The following CLEC16A variants were observed in gnomAD, a reference collection of about 807,000 sequenced individuals.
CLEC16A encodes protein CLEC16A.
CLEC16A carries 51 observed loss-of-function variants against 109.5 expected under a neutral mutation model. The ratio of observed to expected loss-of-function variants is 0.47; its 90% CI spans 0.37 to 0.59. The LOEUF (loss-of-function observed/expected upper bound fraction) is 0.59, where lower values mean the gene tolerates loss of function less well. Among genes scored for constraint, CLEC16A ranks in the 20% least tolerant of loss-of-function variants. The pLI, the probability that CLEC16A is intolerant of heterozygous loss-of-function variation, is 0.00. For synonymous variants in CLEC16A, 673 were observed against 564.2 expected, an observed-to-expected ratio of 1.19 and a Z score of -2.73; for missense variants, 1,339 against 1,394.0, an observed-to-expected ratio of 0.96 and a Z score of 0.63.
At chr16:11,048,457 C>T (rs2047752421) in intron 17 of CLEC16A, 1 of 152,226 alleles carries the variant, frequency 6.6e-6, no homozygotes, top group African/African-American at 2.4e-5. Context: ...GGATATTACC[C>T]ACCAAAGCAT....
chr16:11,010,404 A>T (rs1597029134), intron 11 of CLEC16A, among the ~76,000 whole-genome samples: 2 of 152,122 alleles, frequency 1.3e-5, no homozygotes, highest in Non-Finnish European at 2.9e-5. Flanking sequence ...TGCTTATGGT[A>T]ATTTTCCCAA....
chr16:11,095,280 A>G (rs1746111905), intron 19 of CLEC16A, among the ~76,000 whole-genome samples: 1 of 152,166 alleles, frequency 6.6e-6, no homozygotes, highest in Non-Finnish European at 1.5e-5. Flanking sequence ...AGAAGATGAA[A>G]AAGAAAAAAG....
At chr16:11,051,785 C>A in intron 18 of CLEC16A, 144 bp downstream of exon 18, 1 of 1,084,214 alleles carries the variant, frequency 9.2e-7, no homozygotes. Context: ...CCCATTTGCC[C>A]CCAGGCATGA....
At chr16:11,108,794 G>A (rs982406980) in intron 19 of CLEC16A, among the ~76,000 whole-genome samples, 1 of 152,136 alleles carries the variant, frequency 6.6e-6, no homozygotes, top group Non-Finnish European at 1.5e-5. Flanking sequence ...GGTTGGTCTT[G>A]GTGCCAGCAG....
At chr16:11,107,545 G>C (rs908964329) in intron 19 of CLEC16A, among the ~76,000 whole-genome samples, 1 of 152,200 alleles carries the variant, frequency 6.6e-6, no homozygotes, top group East Asian at 1.9e-4. Flanking sequence ...TCACACCCTC[G>C]GTGGGAACAG....
chr16:11,008,649 A>T (rs2045195364), intron 11 of CLEC16A, among the ~76,000 whole-genome samples: 1 of 151,738 alleles, frequency 6.6e-6, no homozygotes, highest in African/African-American at 2.4e-5. Flanking sequence ...AAATACGTAT[A>T]ACAAAATTTA....
chr16:10,949,041 G>C (rs77920180), intron 1 of CLEC16A, among the ~76,000 whole-genome samples: 20,310 of 152,168 alleles, frequency 0.13, 1,330 homozygotes, highest in African/African-American at 0.15. Context: ...CTTCCCTGGA[G>C]CAAGAGTGGG....
intron 1 of CLEC16A, among the ~76,000 whole-genome samples, chr16:10,955,716 G>C (rs1422252348): frequency 6.6e-6 from 1 of 152,144 alleles, no homozygotes; most frequent in Non-Finnish European, 1.5e-5. Flanking sequence ...TATGATGTGT[G>C]ATGCTAATAG....
At chr16:11,161,197 C>G (rs1490505243) in intron 22 of CLEC16A, among the ~76,000 whole-genome samples, 1 of 152,198 alleles carries the variant, frequency 6.6e-6, no homozygotes, top group African/African-American at 2.4e-5. Flanking sequence ...ACACTAAATA[C>G]CTAAACATCT....
At chr16:11,168,836 G>C (rs1448238632) in intron 23 of CLEC16A, among the ~76,000 whole-genome samples, 1 of 152,254 alleles carries the variant, frequency 6.6e-6, no homozygotes, top group Non-Finnish European at 1.5e-5. Flanking sequence ...GCTTTGTTGG[G>C]ATAGGAGCCC....
chr16:11,162,047 C>G (rs929236612), intron 22 of CLEC16A, among the ~76,000 whole-genome samples: 5 of 152,222 alleles, frequency 3.3e-5, no homozygotes, highest in African/African-American at 1.2e-4. Flanking sequence ...GGTTCTGACT[C>G]CAAGCCCAGC....
chr16:11,049,285 C>T lies in CLEC16A; in HGVS notation c.1866+1943C>T, dbSNP rs563511374. Among the ~76,000 whole-genome samples the T allele has an allele frequency of 5.3e-5, 8 of 152,224 alleles. No individual in the cohort carries two copies. In the East Asian group the frequency reaches 5.8e-4, roughly 11 times the overall value. On this transcript the variant is annotated intron_variant, in intron 17 of 23. Transcript: ENST00000409790. ...CCTCCCAAAGTGGTGGAATTACAGGCGTGAGCCACCGCACCTGGCAATTTT... is the reference window on the plus strand; with the variant it reads ...CCTCCCAAAGTGGTGGAATTACAGGTGTGAGCCACCGCACCTGGCAATTTT...
chr16:11,092,465 A>G (rs1398662622), intron 19 of CLEC16A, among the ~76,000 whole-genome samples: 1 of 151,688 alleles, frequency 6.6e-6, no homozygotes, highest in African/African-American at 2.4e-5. Flanking sequence ...CGGGAGGATC[A>G]CAGCCTCCCG....
intron 18 of CLEC16A, 114 bp downstream of exon 18, chr16:11,051,755 T>A: frequency 7.4e-7 from 1 of 1,346,872 alleles, no homozygotes; most frequent in Non-Finnish European, 1.0e-6. Flanking sequence ...CAACACAGCT[T>A]AGACAGTGGA....
At chr16:11,037,054 C>T (rs1400747688) in intron 13 of CLEC16A, among the ~76,000 whole-genome samples, 1 of 152,204 alleles carries the variant, frequency 6.6e-6, no homozygotes, top group Non-Finnish European at 1.5e-5. Context: ...CATAATTATT[C>T]CCACTTCACA....
chr16:11,043,955 G>T, intron 15 of CLEC16A, 73 bp from the exon 16 acceptor site: 1 of 1,187,100 alleles, frequency 8.4e-7, no homozygotes, highest in Non-Finnish European at 1.2e-6. Context: ...TCATGTTTTA[G>T]AATTCGTAGT....
In CLEC16A at chr16:10,972,575, C is replaced by A. The variant is rs202012067; in HGVS notation, c.604+16C>A. The A allele has an allele frequency of 5.0e-6, 8 of 1,608,926 alleles. No individual in the cohort carries two copies. Among genetic ancestry groups the A allele is most frequent in the Non-Finnish European group, 6.8e-6 (8 of 1,175,830 alleles). ...CCAGTGTCATGTAAGTTATTAACCT[C>A]TGGTTTTCTGCTTTCTTAATCTACC... is the stretch of plus-strand genomic sequence containing the variant. On this transcript the variant is annotated intron_variant, in intron 6 of 23. Transcript: ENST00000409790.
chr16:10,960,544 T>G (rs919214703), intron 2 of CLEC16A, among the ~76,000 whole-genome samples: 1 of 152,188 alleles, frequency 6.6e-6, no homozygotes, highest in African/African-American at 2.4e-5. Context: ...ATCACCTGGT[T>G]AAGGTGCTGT....
chr16:11,117,778 T>A (rs2052109201), intron 19 of CLEC16A, among the ~76,000 whole-genome samples: 1 of 152,088 alleles, frequency 6.6e-6, no homozygotes, highest in Non-Finnish European at 1.5e-5. Flanking sequence ...TGGGAAAAAA[T>A]TGCACTCAAA....
Sources: gnomAD v4.1 joint callset for allele counts (sites outside exome capture counted in the v4.1 genomes callset) on GRCh38, gnomAD v4.1.1 for gene constraint, MANE v1.5 for transcripts, NCBI Gene and HGNC (gene_info 2026-07-23, HGNC 2026-07-21) for gene names.